Variants in UMAD1 observed in about 807,000 individuals in gnomAD.
UMAD1 encodes UBAP1-MVB12-associated (UMA) domain containing 1.
In UMAD1, 8 loss-of-function variants were observed where a neutral mutation model predicts 6.1. That is an observed-to-expected ratio of 1.30 (90% CI 0.76 to 2.35). UMAD1 has a LOEUF of 2.35. Among genes scored for constraint, UMAD1 ranks in the 30% most tolerant of loss-of-function variants. The probability of loss-of-function intolerance (pLI) is 0.00; values close to 1 mark genes in which losing one functional copy is unlikely to be tolerated. For synonymous variants in UMAD1, 56 were observed against 31.4 expected, an observed-to-expected ratio of 1.78 and a Z score of -2.61; for missense variants, 130 against 78.4, an observed-to-expected ratio of 1.66 and a Z score of -2.49.
At chr7:7,709,771 A>G (rs1434882601) in intron 2 of UMAD1, among the ~76,000 whole-genome samples, 1 of 149,696 alleles carries the variant, frequency 6.7e-6, no homozygotes, top group Non-Finnish European at 1.5e-5. Flanking sequence ...TTGAAAAATA[A>G]CCTTTTAAAG....
chr7:7,781,379 T>C (rs1033031699), intron 2 of UMAD1, among the ~76,000 whole-genome samples: 32 of 151,936 alleles, frequency 2.1e-4, no homozygotes, highest in African/African-American at 7.2e-4. Flanking sequence ...TTCTTTTTTT[T>C]TTAGTGGAAA....
intron 1 of UMAD1, among the ~76,000 whole-genome samples, chr7:7,642,617 A>G (rs565484273): frequency 2.0e-5 from 3 of 152,296 alleles, no homozygotes; most frequent in African/African-American, 4.8e-5. Context: ...TTTTTCGTGT[A>G]TTTTTGAGTC....
At chr7:7,777,373 G>A (rs1422810452) in intron 2 of UMAD1, among the ~76,000 whole-genome samples, 1 of 151,460 alleles carries the variant, frequency 6.6e-6, no homozygotes. Context: ...GGGCGTGGTG[G>A]TGGGTGCCTG....
At chr7:7,665,017 A>T (rs59693264) in intron 1 of UMAD1, among the ~76,000 whole-genome samples, 29,210 of 151,742 alleles carry the variant, frequency 0.19, 2,970 homozygotes, top group Middle Eastern at 0.24. Context: ...ATATATATAC[A>T]CACACACACA....
intron 2 of UMAD1, among the ~76,000 whole-genome samples, chr7:7,784,109 C>A (rs150711205): frequency 6.6e-6 from 1 of 150,918 alleles, no homozygotes; most frequent in African/African-American, 2.4e-5. Flanking sequence ...TGGATCTTGA[C>A]TGTAGACAGA....
chr7:7,753,108 A>T (rs1781709356), intron 2 of UMAD1, among the ~76,000 whole-genome samples: 1 of 152,168 alleles, frequency 6.6e-6, no homozygotes, highest in Non-Finnish European at 1.5e-5. Flanking sequence ...ATTTTTTAAA[A>T]TTGTTGTCAC....
chr7:7,787,897 C>T (rs1262793583), intron 2 of UMAD1, among the ~76,000 whole-genome samples: 2 of 152,194 alleles, frequency 1.3e-5, no homozygotes, highest in African/African-American at 2.4e-5. Context: ...TATTAATAAG[C>T]TTATTTCCTA....
intron 2 of UMAD1, among the ~76,000 whole-genome samples, chr7:7,746,875 G>T (rs1781582432): frequency 6.6e-6 from 1 of 151,820 alleles, no homozygotes; most frequent in Non-Finnish European, 1.5e-5. Flanking sequence ...GTTTCTTATT[G>T]CTATCTTCTG....
intron 2 of UMAD1, chr7:7,718,482 CTA>C (rs1024118971): frequency 6.6e-6 from 1 of 152,140 alleles, no homozygotes; most frequent in African/African-American, 2.4e-5. Context: ...AAGGAAAAAA[CTA>C]TGTATCCAAC....
intron 3 of UMAD1, among the ~76,000 whole-genome samples, chr7:7,814,553 C>T (rs1467948712): frequency 6.6e-6 from 1 of 151,926 alleles, no homozygotes; most frequent in Non-Finnish European, 1.5e-5. Flanking sequence ...TTTTTAGTTG[C>T]CTCATTCATT....
chr7:7,787,138 A>G (rs1003227787), intron 2 of UMAD1, among the ~76,000 whole-genome samples: 10 of 152,192 alleles, frequency 6.6e-5, no homozygotes, highest in Non-Finnish European at 8.8e-5. Flanking sequence ...TGATATAAAT[A>G]TATGATGGGG....
intron 3 of UMAD1, among the ~76,000 whole-genome samples, chr7:7,802,941 TA>T (rs1173769561): frequency 2.6e-5 from 4 of 152,258 alleles, no homozygotes; most frequent in Admixed American, 6.5e-5. Context: ...TCATCCTATT[TA>T]AAACATCTTA....
At chr7:7,665,800 T>C (rs1220209137) in intron 1 of UMAD1, among the ~76,000 whole-genome samples, 1 of 152,114 alleles carries the variant, frequency 6.6e-6, no homozygotes, top group Non-Finnish European at 1.5e-5. Context: ...TGAACTTTTA[T>C]ATTGTCTGGC....
At chr7:7,814,263 C>T (rs1262282019) in intron 3 of UMAD1, among the ~76,000 whole-genome samples, 1 of 152,136 alleles carries the variant, frequency 6.6e-6, no homozygotes, top group Non-Finnish European at 1.5e-5. Flanking sequence ...GGATTACAGG[C>T]GTGAGCCACT....
rs756052787 is a variant in UMAD1, at chr7:7,877,411, A to G, written c.287A>G (p.His96Arg). 2.2e-5 allele frequency: 16 copies of G among 717,578 alleles called. No individual in the cohort carries two copies. The highest frequency in any genetic ancestry group is 3.0e-5 in the South Asian group (2 of 67,610). 44.5% of individuals were successfully genotyped at this position (717,578 alleles called of 1,614,324 possible). A position where few individuals can be genotyped will look rare whatever the true frequency, so the allele number is the denominator to read the frequency against. The change falls in exon 4 of 4, where the codon CAT becomes CGT. Residue 96 changes from histidine to arginine, a missense_variant. Coordinates refer to ENST00000682710, the MANE Select transcript of UMAD1 (RefSeq NM_001302348.2). ...LSDVPFTLAP[H>R]VLAVQGTITD... is the part of the protein sequence containing the mutation. ...GATGTGCCGTTCACCCTGGCCCCGC[A>G]TGTGCTGGCAGTACAGGGCACCATC... is the stretch of plus-strand genomic sequence containing the variant.
chr7:7,729,711 C>G (rs999469191), intron 2 of UMAD1, among the ~76,000 whole-genome samples: 1 of 152,210 alleles, frequency 6.6e-6, no homozygotes, highest in Non-Finnish European at 1.5e-5. Context: ...ACGCTAACCT[C>G]AGTCTCCAAA....
intron 2 of UMAD1, among the ~76,000 whole-genome samples, chr7:7,709,605 G>A (rs1029088195): frequency 6.6e-6 from 1 of 152,192 alleles, no homozygotes; most frequent in African/African-American, 2.4e-5. Flanking sequence ...GAAGTCACCT[G>A]TTTGCTCAGA....
At position 7,753,852 on chromosome 7, in the gene UMAD1, C is replaced by T. The variant is rs185274062; in HGVS notation, c.83-47818C>T. 1.8e-3 allele frequency among the ~76,000 whole-genome samples: 271 copies of T among 152,220 alleles called. 2 individuals are homozygous for T. The highest frequency in any genetic ancestry group is 2.2e-4 in the Non-Finnish European group (15 of 68,006). ...TTTAGTTTTTTGAGGTACCTCCAAACGGTTCTCCATAGTGGTTGTACTAAT... is the reference window on the plus strand; with the variant it reads ...TTTAGTTTTTTGAGGTACCTCCAAATGGTTCTCCATAGTGGTTGTACTAAT... On this transcript the variant is annotated intron_variant, in intron 2 of 3. Coordinates refer to ENST00000682710, the MANE Select transcript of UMAD1 (RefSeq NM_001302348.2).
At chr7:7,758,328 C>G (rs1045914796) in intron 2 of UMAD1, among the ~76,000 whole-genome samples, 1 of 152,094 alleles carries the variant, frequency 6.6e-6, no homozygotes, top group African/African-American at 2.4e-5. Flanking sequence ...TGTAGACTGC[C>G]TAATCTTTAT....
Sources: allele counts gnomAD v4.1 joint callset (sites outside exome capture counted in the v4.1 genomes callset), GRCh38; gene constraint gnomAD v4.1.1; transcripts MANE v1.5; gene names NCBI Gene and HGNC (gene_info 2026-07-23, HGNC 2026-07-21).